NAALADL2: variants seen among roughly 807,000 people sequenced by gnomAD.
NAALADL2 encodes the protein N-acetylated alpha-linked acidic dipeptidase like 2.
A neutral mutation model predicts 87.2 loss-of-function variants in NAALADL2; 76 were observed. The observed-to-expected ratio is 0.87, with a 90% CI of 0.72 to 1.05. The LOEUF (loss-of-function observed/expected upper bound fraction) is 1.05, where lower values mean the gene tolerates loss of function less well. Ranked by LOEUF, NAALADL2 falls within the 50% of genes least tolerant of loss-of-function variation. NAALADL2 has a pLI of 0.00. For missense variants in NAALADL2, 1,089 were observed against 945.8 expected (o/e 1.15, Z -1.99); for synonymous variants, 354 against 331.0 (o/e 1.07, Z -0.75).
At chr3:175,067,170 G>A (rs551631596) in intron 1 of NAALADL2, among the ~76,000 whole-genome samples, 1 of 152,228 alleles carries the variant, frequency 6.6e-6, no homozygotes, top group South Asian at 2.1e-4. Flanking sequence ...ACACCATTCT[G>A]GACGTGGGCC....
chr3:174,882,602 TAC>T (rs1729410601), intron 1 of NAALADL2, among the ~76,000 whole-genome samples: 1 of 147,928 alleles, frequency 6.8e-6, no homozygotes, highest in African/African-American at 2.6e-5. Context: ...TATATACACA[TAC>T]ATATATGTGC....
intron 1 of NAALADL2, among the ~76,000 whole-genome samples, chr3:175,039,973 A>T (rs1300309031): frequency 6.6e-6 from 1 of 152,074 alleles, no homozygotes; most frequent in Non-Finnish European, 1.5e-5. Context: ...GCTTTTCTTT[A>T]CAAAAATGTA....
chr3:174,494,463 G>A (rs1347445785), intron 1 of NAALADL2, among the ~76,000 whole-genome samples: 2 of 149,332 alleles, frequency 1.3e-5, no homozygotes, highest in African/African-American at 5.0e-5. Context: ...ATCACACACC[G>A]GGGCCTGTCC....
intron 2 of NAALADL2, among the ~76,000 whole-genome samples, chr3:174,574,169 AG>A (rs1560065555): frequency 6.6e-6 from 1 of 152,174 alleles, no homozygotes; most frequent in South Asian, 2.1e-4. Context: ...CAATTGATAT[AG>A]TTTTCTGAAT....
intron 11 of NAALADL2, among the ~76,000 whole-genome samples, chr3:175,683,207 A>G (rs949315572): frequency 3.0e-4 from 45 of 152,136 alleles, no homozygotes; most frequent in African/African-American, 1.1e-3. Flanking sequence ...TTCATATGGA[A>G]TACTTGTTTA....
At chr3:174,573,999 A>C (rs759466053) in intron 2 of NAALADL2, among the ~76,000 whole-genome samples, 8 of 152,318 alleles carry the variant, frequency 5.3e-5, no homozygotes, top group Middle Eastern at 3.4e-3. Context: ...AGCTGGCCCC[A>C]CTAGACTTAG....
chr3:175,240,685 C>T (rs957127021), intron 3 of NAALADL2, among the ~76,000 whole-genome samples: 10 of 152,296 alleles, frequency 6.6e-5, no homozygotes, highest in African/African-American at 1.7e-4. Context: ...GATGGAGTTT[C>T]GCTCTTGTTG....
intron 9 of NAALADL2, among the ~76,000 whole-genome samples, chr3:175,558,839 A>G (rs752158372): frequency 6.6e-6 from 1 of 152,092 alleles, no homozygotes; most frequent in African/African-American, 2.4e-5. Flanking sequence ...CTGTAGTATA[A>G]TTTAAAGTTA....
At chr3:175,495,914 T>C (rs1030540130) in intron 9 of NAALADL2, among the ~76,000 whole-genome samples, 1 of 152,170 alleles carries the variant, frequency 6.6e-6, no homozygotes, top group African/African-American at 2.4e-5. Context: ...AGTTAATAGC[T>C]GCTCCTAGAT....
At chr3:175,708,339 T>G (rs1335934750) in intron 11 of NAALADL2, among the ~76,000 whole-genome samples, 4 of 152,036 alleles carry the variant, frequency 2.6e-5, no homozygotes, top group Non-Finnish European at 2.9e-5. Context: ...GTGGCAAGAA[T>G]GAGTCCAGGG....
At chr3:174,893,970 A>G (rs1041986289) in intron 1 of NAALADL2, among the ~76,000 whole-genome samples, 2 of 152,344 alleles carry the variant, frequency 1.3e-5, no homozygotes, top group East Asian at 3.9e-4. Context: ...GTTGCTTACA[A>G]GAAACACTTT....
At chr3:175,187,193 C>T (rs1419067792) in intron 2 of NAALADL2, among the ~76,000 whole-genome samples, 1 of 152,060 alleles carries the variant, frequency 6.6e-6, no homozygotes, top group Non-Finnish European at 1.5e-5. Flanking sequence ...TTTGATCATT[C>T]ATTAAGTTCA....
At chr3:175,070,585 T>C (rs1247548234) in intron 1 of NAALADL2, among the ~76,000 whole-genome samples, 1 of 152,058 alleles carries the variant, frequency 6.6e-6, no homozygotes, top group African/African-American at 2.4e-5. Context: ...TTGCCTAAGG[T>C]GTTTGAATGA....
At chr3:175,229,106 G>A (rs2109425272) in intron 2 of NAALADL2, among the ~76,000 whole-genome samples, 1 of 151,890 alleles carries the variant, frequency 6.6e-6, no homozygotes, top group African/African-American at 2.4e-5. Context: ...ACATGAGAAT[G>A]GAAGGAACAT....
chr3:175,609,867 T>C (rs1481447703), intron 10 of NAALADL2, among the ~76,000 whole-genome samples: 1 of 152,126 alleles, frequency 6.6e-6, no homozygotes, highest in Non-Finnish European at 1.5e-5. Flanking sequence ...CATTATTAAG[T>C]GGCACTATGG....
In NAALADL2 at chr3:174,890,831, T is replaced by A. The variant is rs547945571; in HGVS notation, c.43+31381T>A. 4.6e-5 allele frequency among the ~76,000 whole-genome samples: 7 copies of A among 152,268 alleles called. No homozygotes were observed. The East Asian group carries it at 1.2e-3, about 25-fold the overall frequency. ...ACTAAATAAATATAAGATAGGAAAA[T>A]CATAAAAAATATTGATTTCTTTATT... On this transcript the variant is annotated intron_variant, in intron 1 of 13. Coordinates refer to ENST00000454872, the MANE Select transcript of NAALADL2 (RefSeq NM_207015.3).
chr3:175,734,097 C>T (rs929475963), intron 11 of NAALADL2, among the ~76,000 whole-genome samples: 26 of 152,160 alleles, frequency 1.7e-4, no homozygotes, highest in Admixed American at 3.3e-4. Flanking sequence ...AGGACGGTGG[C>T]GTGGCCCTCT....
intron 13 of NAALADL2, among the ~76,000 whole-genome samples, chr3:175,765,889 C>T (rs1311235763): frequency 6.6e-6 from 1 of 152,024 alleles, no homozygotes; most frequent in Admixed American, 6.6e-5. Flanking sequence ...AAAACCGAGG[C>T]TTAGGAAAAG....
intron 5 of NAALADL2, chr3:175,397,455 A>G (rs1769952741): frequency 6.6e-6 from 1 of 152,152 alleles, no homozygotes; most frequent in Admixed American, 6.5e-5. Context: ...ATAGCCAAAC[A>G]TAGAGGGCAC....
Sources: gnomAD v4.1 joint callset for allele counts (sites outside exome capture counted in the v4.1 genomes callset) on GRCh38, gnomAD v4.1.1 for gene constraint, MANE v1.5 for transcripts, NCBI Gene and HGNC (gene_info 2026-07-23, HGNC 2026-07-21) for gene names.